The following AAK1 variants were observed in gnomAD, a reference collection of about 807,000 sequenced individuals.
AAK1 encodes the protein AP2-associated protein kinase 1.
AAK1 carries 37 observed loss-of-function variants against 116.0 expected under a neutral mutation model. That is an observed-to-expected ratio of 0.32 (90% CI 0.25 to 0.42). The LOEUF (loss-of-function observed/expected upper bound fraction) is 0.42. Among genes scored for constraint, AAK1 ranks in the 10% least tolerant of loss-of-function variants. The pLI is 1.00. For synonymous variants in AAK1, 458 were observed against 439.9 expected (o/e 1.04, Z -0.51); for missense variants, 919 against 1,170.6 (o/e 0.79, Z 3.14).
intron 3 of AAK1, among the ~76,000 whole-genome samples, chr2:69,549,828 T>C (rs578051572): frequency 6.6e-6 from 1 of 152,360 alleles, no homozygotes; most frequent in South Asian, 2.1e-4. Context: ...TTCATTTCAT[T>C]AGAATCAGTC....
intron 2 of AAK1, among the ~76,000 whole-genome samples, chr2:69,603,237 T>C (rs1673656308): frequency 6.6e-6 from 1 of 152,234 alleles, no homozygotes; most frequent in African/African-American, 2.4e-5. Context: ...GTAATCATGA[T>C]TATTGTAAAA....
At chr2:69,522,481 C>T (rs1053320668) in intron 10 of AAK1, among the ~76,000 whole-genome samples, 18 of 151,934 alleles carry the variant, frequency 1.2e-4, no homozygotes, top group African/African-American at 2.4e-5. Flanking sequence ...AAATGGGACA[C>T]GTGCTGGAGA....
At chr2:69,532,290 T>G in intron 5 of AAK1, 128 bp from the exon 6 acceptor site, 1 of 1,128,762 alleles carries the variant, frequency 8.9e-7, no homozygotes, top group Non-Finnish European at 1.3e-6. Flanking sequence ...AGGGAAGTTA[T>G]TCCTCTCCAA....
chr2:69,562,238 C>T (rs1049376015), intron 2 of AAK1, among the ~76,000 whole-genome samples: 4 of 152,236 alleles, frequency 2.6e-5, no homozygotes, highest in African/African-American at 9.6e-5. Context: ...CTTACCAACA[C>T]TTGGTGCTGT....
intron 2 of AAK1, among the ~76,000 whole-genome samples, chr2:69,572,130 C>T (rs1348260336): frequency 6.6e-6 from 1 of 152,160 alleles, no homozygotes; most frequent in African/African-American, 2.4e-5. Context: ...GGAAAACTTA[C>T]TCCACCTTTG....
At chr2:69,489,975 T>C (rs1268629312) in intron 17 of AAK1, among the ~76,000 whole-genome samples, 1 of 152,170 alleles carries the variant, frequency 6.6e-6, no homozygotes, top group Non-Finnish European at 1.5e-5. Context: ...CCAAAAGTTA[T>C]GAGAAGAATG....
intron 2 of AAK1, among the ~76,000 whole-genome samples, chr2:69,602,318 G>A (rs1200332377): frequency 6.6e-6 from 1 of 151,930 alleles, no homozygotes; most frequent in African/African-American, 2.4e-5. Flanking sequence ...TTAGATAACA[G>A]TTTATATCAA....
intron 5 of AAK1, among the ~76,000 whole-genome samples, chr2:69,537,492 GCT>G (rs1048969020): frequency 6.6e-6 from 1 of 152,128 alleles, no homozygotes; most frequent in Non-Finnish European, 1.5e-5. Flanking sequence ...CCTGGCCCGT[GCT>G]CTTTCCCTCA....
At position 69,461,367 on chromosome 2, in the gene AAK1, CATT is replaced by C. The variant is rs751796492; in HGVS notation, c.*14499_*14501del. On this transcript the variant is annotated 3_prime_UTR_variant, in exon 22 of 22. Coordinates refer to ENST00000409085, the MANE Select transcript of AAK1 (RefSeq NM_014911.5). ...GCATTTCTCTGAATGTCTCCCTCAT[CATT>C]AAGTGGGGCATGACTGTATTTTTTT... 23 of 214,528 alleles carry C rather than the reference CATT, an allele frequency of 1.1e-4. 1 individual carries two copies. Among genetic ancestry groups the C allele is most frequent in the East Asian group, 3.6e-4 (2 of 5,482 alleles). 13.3% of individuals were successfully genotyped at this position (214,528 alleles called of 1,614,324 possible).
At chr2:69,503,420 T>A (rs1676052651) in intron 16 of AAK1, among the ~76,000 whole-genome samples, 1 of 152,262 alleles carries the variant, frequency 6.6e-6, no homozygotes, top group South Asian at 2.1e-4. Context: ...CTGAAGTGTT[T>A]ATAATAGTAA....
chr2:69,468,216 T>A lies in AAK1; in HGVS notation c.*7653A>T. The stretch of plus-strand genomic sequence containing the variant: ...TGGACAGGAAATAAACAGAATACCT[T>A]CTTCCTTGCGATTTATGTGGACAGA... On this transcript the variant is annotated 3_prime_UTR_variant, in exon 22 of 22. Coordinates refer to ENST00000409085, the MANE Select transcript of AAK1 (RefSeq NM_014911.5). 6.1e-6 allele frequency: 6 copies of A among 985,464 alleles called. No homozygotes were observed. The highest frequency in any genetic ancestry group is 7.2e-6 in the Non-Finnish European group (6 of 829,940). 61.0% of individuals were successfully genotyped at this position (985,464 alleles called of 1,614,324 possible).
At chr2:69,622,118 C>T (rs1054363773) in intron 2 of AAK1, among the ~76,000 whole-genome samples, 2 of 152,234 alleles carry the variant, frequency 1.3e-5, no homozygotes, top group Non-Finnish European at 1.5e-5. Flanking sequence ...CTGCGCAGGG[C>T]GCCTGTGGGC....
At chr2:69,560,550 A>C (rs1224930749) in intron 2 of AAK1, among the ~76,000 whole-genome samples, 1 of 152,184 alleles carries the variant, frequency 6.6e-6, no homozygotes, top group East Asian at 1.9e-4. Context: ...TTGAATCATA[A>C]AGATAAAAAG....
Position 69,571,604 on chromosome 2 carries a change from C to T in AAK1, c.164-14626G>A, listed in dbSNP as rs538685911. On this transcript the variant is annotated intron_variant, in intron 2 of 21. Transcript: ENST00000409085. ...ATAATATGAGTTTCAATAATTTTAA[C>T]AATTACAGGCTTTAATAGAAACTAC... Among the ~76,000 whole-genome samples, 3 of 152,258 alleles carry T rather than the reference C, an allele frequency of 2.0e-5. No homozygotes were observed. The South Asian group carries it at 6.2e-4, about 32-fold the overall frequency.
intron 18 of AAK1, 54 bp from the exon 19 acceptor site, chr2:69,481,015 G>C (rs1317338240): frequency 7.3e-7 from 1 of 1,361,458 alleles, no homozygotes; most frequent in Admixed American, 2.5e-5. Flanking sequence ...GGAGTCAGAA[G>C]TTTCTTTAGG....
chr2:69,600,844 A>C (rs1035115642), intron 2 of AAK1, among the ~76,000 whole-genome samples: 2 of 152,180 alleles, frequency 1.3e-5, no homozygotes, highest in African/African-American at 4.8e-5. Flanking sequence ...GGAAAACTTC[A>C]TTGTTGTCTT....
Position 69,465,636 on chromosome 2 carries a change from A to G in AAK1, c.*10233T>C, listed in dbSNP as rs1340006158. The G allele has an allele frequency of 5.4e-6, 7 of 1,290,786 alleles. No individual in the cohort carries two copies. The East Asian group carries it at 3.3e-4, about 61-fold the overall frequency. The allele number at this position is 1,290,786 out of a possible 1,614,324, so 80.0% of individuals were successfully genotyped here. ...GCTATAGTGACGGGAATACTTGGAT[A>G]AGGACTGGGGGCGGAATGGTTTGCC... On this transcript the variant is annotated 3_prime_UTR_variant, in exon 22 of 22. Coordinates refer to ENST00000409085, the MANE Select transcript of AAK1 (RefSeq NM_014911.5).
intron 2 of AAK1, among the ~76,000 whole-genome samples, chr2:69,561,994 T>C (rs1382829080): frequency 6.6e-6 from 1 of 152,232 alleles, no homozygotes; most frequent in Non-Finnish European, 1.5e-5. Context: ...TTGAAGGACA[T>C]GTGAATTTTT....
At chr2:69,512,216 A>C (rs2104975880) in intron 13 of AAK1, among the ~76,000 whole-genome samples, 1 of 152,334 alleles carries the variant, frequency 6.6e-6, no homozygotes, top group Non-Finnish European at 1.5e-5. Context: ...TTAAAAATGT[A>C]ATTATAAAAG....
Sources: allele counts gnomAD v4.1 joint callset (sites outside exome capture counted in the v4.1 genomes callset), GRCh38; gene constraint gnomAD v4.1.1; transcripts MANE v1.5; gene names NCBI Gene and HGNC (gene_info 2026-07-23, HGNC 2026-07-21).